Variants in ME1 observed in about 807,000 individuals in gnomAD.
ME1 encodes the protein malic enzyme 1, also known as NADP-dependent malic enzyme.
Under a neutral mutation model 66.4 loss-of-function variants are expected in ME1, and 74 were observed. The observed-to-expected ratio is 1.11, with a 90% CI of 0.92 to 1.35. The LOEUF (loss-of-function observed/expected upper bound fraction) is 1.35. ME1 is among the 40% of genes most tolerant of loss of function. ME1 has a pLI of 0.00. For synonymous variants in ME1, 251 were observed against 235.6 expected (o/e 1.07, Z -0.60); for missense variants, 750 against 694.1 (o/e 1.08, Z -0.90).
intron 3 of ME1, among the ~76,000 whole-genome samples, chr6:83,383,945 A>G (rs955764696): frequency 6.6e-6 from 1 of 151,996 alleles, no homozygotes; most frequent in East Asian, 1.9e-4. Context: ...AATAAAACAT[A>G]TAGTATTGAG....
At chr6:83,239,692 C>T in intron 7 of ME1, 56 bp from the exon 8 acceptor site, 1 of 1,258,464 alleles carries the variant, frequency 7.9e-7, no homozygotes, top group Non-Finnish European at 1.2e-6. Context: ...TGCCAATTTT[C>T]AAGCTTTTAT....
chr6:83,386,390 A>G (rs1769503009), intron 3 of ME1, among the ~76,000 whole-genome samples: 2 of 151,964 alleles, frequency 1.3e-5, no homozygotes, highest in Non-Finnish European at 2.9e-5. Flanking sequence ...AGATATTCCT[A>G]AGGATTCTAA....
intron 2 of ME1, among the ~76,000 whole-genome samples, chr6:83,401,701 G>C (rs772827670): frequency 3.9e-5 from 6 of 152,208 alleles, no homozygotes; most frequent in Non-Finnish European, 5.9e-5. Context: ...CATGGTGGCA[G>C]GGATAGAGGT....
intron 7 of ME1, among the ~76,000 whole-genome samples, chr6:83,247,265 C>T (rs1790641137): frequency 6.6e-6 from 1 of 151,792 alleles, no homozygotes; most frequent in African/African-American, 2.4e-5. Context: ...AGGTTGAAAC[C>T]TTATTTTTTT....
intron 5 of ME1, among the ~76,000 whole-genome samples, chr6:83,334,052 T>C (rs1174433454): frequency 6.6e-6 from 1 of 151,970 alleles, no homozygotes; most frequent in Non-Finnish European, 1.5e-5. Flanking sequence ...CCATCTGAGG[T>C]ACCGGGTTCT....
Position 83,346,305 on chromosome 6 carries a change from A to G in ME1, c.468T>C (p.Ile156=), listed in dbSNP as rs1404781863. The G allele has an allele frequency of 1.9e-6, 3 of 1,611,876 alleles. No homozygotes were observed. Among genetic ancestry groups the G allele is most frequent in the Non-Finnish European group, 1.7e-6 (2 of 1,178,704 alleles). The part of the protein sequence containing the change: ...KAIVVTDGER[I]LGLGDLGCNG... Reference sequence around the variant, plus strand: ...TACAGCCAAGGTCTCCCAAGCCAAGAATACGCTCTCCATCAGTCACCACAA... The same window carrying G: ...TACAGCCAAGGTCTCCCAAGCCAAGGATACGCTCTCCATCAGTCACCACAA... Residue 156 remains isoleucine, a synonymous_variant, in exon 5 of 14, where the codon ATT becomes ATC. Coordinates refer to ENST00000369705, the MANE Select transcript of ME1 (RefSeq NM_002395.6).
chr6:83,359,832 A>G (rs957080275), intron 3 of ME1, among the ~76,000 whole-genome samples: 3 of 152,212 alleles, frequency 2.0e-5, no homozygotes, highest in Admixed American at 2.0e-4. Flanking sequence ...CAGATGTAAC[A>G]TGGGAACTAC....
chr6:83,323,887 C>T (rs1318364650), intron 5 of ME1, among the ~76,000 whole-genome samples: 1 of 152,122 alleles, frequency 6.6e-6, no homozygotes, highest in African/African-American at 2.4e-5. Context: ...AGTATACATT[C>T]TTCTTAGCAC....
chr6:83,210,616 C>T lies in ME1; in HGVS notation c.*1308G>A, dbSNP rs184314451. On this transcript the variant is annotated 3_prime_UTR_variant, in exon 14 of 14. Coordinates refer to ENST00000369705, the MANE Select transcript of ME1 (RefSeq NM_002395.6). ...TAACCTCTTCTGCTCATACCTAAAA[C>T]AATTTGTGTAACCTTCAACTTTCAA... The T allele has an allele frequency of 2.5e-4, 38 of 152,380 alleles. No individual in the cohort carries two copies. The highest frequency in any genetic ancestry group is 8.2e-4 in the African/African-American group (34 of 41,566). 9.4% of individuals were successfully genotyped at this position (152,380 alleles called of 1,614,324 possible).
At chr6:83,351,667 T>C (rs1341436868) in intron 4 of ME1, among the ~76,000 whole-genome samples, 2 of 152,222 alleles carry the variant, frequency 1.3e-5, no homozygotes, top group South Asian at 4.1e-4. Context: ...GTAAGTCAAA[T>C]GAACTACTTA....
At chr6:83,296,333 G>T (rs1007131204) in intron 6 of ME1, among the ~76,000 whole-genome samples, 2 of 152,156 alleles carry the variant, frequency 1.3e-5, no homozygotes, top group East Asian at 1.9e-4. Context: ...GATCAAGTAG[G>T]CTTCATCCCT....
chr6:83,264,589 T>A (rs979794855), intron 6 of ME1, among the ~76,000 whole-genome samples: 1 of 152,128 alleles, frequency 6.6e-6, no homozygotes, highest in African/African-American at 2.4e-5. Flanking sequence ...TCAACATTAA[T>A]GGGAGTTTGG....
rs969645985 is a variant in ME1, at chr6:83,224,218, G to A, written c.1276-285C>T. 3.9e-5 allele frequency among the ~76,000 whole-genome samples: 6 copies of A among 152,118 alleles called. No individual in the cohort carries two copies. The East Asian group carries it at 1.2e-3, about 29-fold the overall frequency. Reference sequence around the variant, plus strand: ...CTCTATTCTCTGCAGTGGTTCAACCGATAGGCTCATCAACCATTTCTATAT... The same window carrying A: ...CTCTATTCTCTGCAGTGGTTCAACCAATAGGCTCATCAACCATTTCTATAT... On this transcript the variant is annotated intron_variant, in intron 11 of 13. Transcript: ENST00000369705.
At chr6:83,417,371 T>TTGC (rs1295341187) in intron 1 of ME1, among the ~76,000 whole-genome samples, 1 of 63,192 alleles carries the variant, frequency 1.6e-5, no homozygotes, top group African/African-American at 7.1e-5. Context: ...TTGTTGTTTT[T>TTGC]TGTTGTTGTT....
chr6:83,279,826 G>C (rs1478790538), intron 6 of ME1, among the ~76,000 whole-genome samples: 2 of 152,108 alleles, frequency 1.3e-5, no homozygotes, highest in Admixed American at 6.5e-5. Flanking sequence ...CTACACATAG[G>C]CATATCAGAG....
At chr6:83,368,378 CA>C (rs35760197) in intron 3 of ME1, among the ~76,000 whole-genome samples, 125 of 149,138 alleles carry the variant, frequency 8.4e-4, no homozygotes, top group South Asian at 7.7e-3. Context: ...TTATAAAAAA[CA>C]AAAAAAAATT....
chr6:83,381,100 A>G (rs1238271274), intron 3 of ME1, among the ~76,000 whole-genome samples: 2 of 152,122 alleles, frequency 1.3e-5, no homozygotes. Flanking sequence ...TGAGCCAAAA[A>G]CACAGCTGGA....
intron 9 of ME1, among the ~76,000 whole-genome samples, chr6:83,237,019 G>A (rs1274889492): frequency 7.2e-6 from 1 of 138,438 alleles, no homozygotes; most frequent in African/African-American, 2.9e-5. Flanking sequence ...GGGAAACACA[G>A]TGAAAGCTGT....
At chr6:83,393,541 C>A in intron 3 of ME1, 1 of 273,904 alleles carries the variant, frequency 3.7e-6, no homozygotes, top group Admixed American at 5.2e-5. Flanking sequence ...ATGCAGACCC[C>A]CTAAAAGGGA....
Sources: allele counts gnomAD v4.1 joint callset (sites outside exome capture counted in the v4.1 genomes callset), GRCh38; gene constraint gnomAD v4.1.1; transcripts MANE v1.5; gene names NCBI Gene and HGNC (gene_info 2026-07-23, HGNC 2026-07-21).